The following FAM169A variants were observed in gnomAD, a reference collection of about 807,000 sequenced individuals.
FAM169A encodes family with sequence similarity 169 member A, also known as soluble lamin-associated protein of 75 kDa.
In FAM169A, 24 loss-of-function variants were observed where a neutral mutation model predicts 75.7. The ratio of observed to expected loss-of-function variants is 0.32; its 90% CI spans 0.23 to 0.45. The LOEUF is 0.45. FAM169A is among the 20% of genes least tolerant of loss of function. FAM169A has a pLI of 1.00. For missense variants in FAM169A, 673 were observed against 784.0 expected, an observed-to-expected ratio of 0.86 and a Z score of 1.69; for synonymous variants, 271 against 271.0, an observed-to-expected ratio of 1.00 and a Z score of 0.00.
In FAM169A at chr5:74,856,681, T is replaced by C. The variant is rs542575924; in HGVS notation, c.-4+9484A>G. ...GAGATTTAGATGATACTAGATTAAA[T>C]ATGAACCATAACCAAGGTTTTTTTT... On this transcript the variant is annotated intron_variant, in intron 1 of 12. Coordinates refer to ENST00000687041, the MANE Select transcript of FAM169A (RefSeq NM_001376049.1). Among the ~76,000 whole-genome samples the C allele has an allele frequency of 4.6e-5, 7 of 152,008 alleles. No individual in the cohort carries two copies. The South Asian group carries it at 1.5e-3, about 32-fold the overall frequency.
intron 5 of FAM169A, among the ~76,000 whole-genome samples, chr5:74,822,295 G>A: frequency 6.6e-6 from 1 of 152,158 alleles, no homozygotes; most frequent in East Asian, 1.9e-4. Flanking sequence ...AAAGTCACAG[G>A]CATCATCTTT....
intron 2 of FAM169A, 139 bp downstream of exon 2, chr5:74,841,406 C>G (rs962387097): frequency 1.2e-5 from 7 of 588,098 alleles, no homozygotes; most frequent in Non-Finnish European, 1.6e-5. Flanking sequence ...CAATATTTAT[C>G]CATTTTACTG....
At chr5:74,824,850 T>C (rs1226598272) in intron 5 of FAM169A, among the ~76,000 whole-genome samples, 1 of 152,054 alleles carries the variant, frequency 6.6e-6, no homozygotes, top group Non-Finnish European at 1.5e-5. Flanking sequence ...TGATTTCTAT[T>C]TCTTCATTTT....
At chr5:74,840,600 C>A (rs377457168) in intron 2 of FAM169A, among the ~76,000 whole-genome samples, 2 of 150,620 alleles carry the variant, frequency 1.3e-5, no homozygotes, top group Non-Finnish European at 2.9e-5. Context: ...GAGGCCAAGG[C>A]GGGCGGATCA....
intron 1 of FAM169A, among the ~76,000 whole-genome samples, chr5:74,846,780 C>A (rs895676538): frequency 4.6e-5 from 7 of 152,120 alleles, no homozygotes; most frequent in African/African-American, 1.7e-4. Context: ...CCAGGCTGGT[C>A]TCAAACTCCT....
At chr5:74,843,885 G>A (rs1486606412) in intron 1 of FAM169A, among the ~76,000 whole-genome samples, 1 of 152,140 alleles carries the variant, frequency 6.6e-6, no homozygotes, top group Non-Finnish European at 1.5e-5. Context: ...TATATACCCA[G>A]GCTAACCAAT....
chr5:74,824,933 T>C (rs957373354), intron 5 of FAM169A, among the ~76,000 whole-genome samples: 8 of 152,006 alleles, frequency 5.3e-5, no homozygotes, highest in African/African-American at 1.9e-4. Flanking sequence ...CACACCCCAA[T>C]CTCAACTCCA....
At chr5:74,784,715 G>A (rs1232737390) in intron 11 of FAM169A, among the ~76,000 whole-genome samples, 5 of 147,292 alleles carry the variant, frequency 3.4e-5, no homozygotes, top group African/African-American at 7.5e-5. Context: ...TCAGGAGATC[G>A]AGACCATCCT....
chr5:74,822,205 C>T (rs1162834092), intron 5 of FAM169A, among the ~76,000 whole-genome samples: 3 of 152,202 alleles, frequency 2.0e-5, no homozygotes, highest in African/African-American at 7.2e-5. Context: ...TCCTTTTATC[C>T]TGTGGCTTCC....
At chr5:74,861,651 G>A (rs1750042155) in intron 1 of FAM169A, among the ~76,000 whole-genome samples, 1 of 152,020 alleles carries the variant, frequency 6.6e-6, no homozygotes, top group Non-Finnish European at 1.5e-5. Context: ...GAAGGCAGAA[G>A]CTGCAGTGAG....
At position 74,783,030 on chromosome 5, in the gene FAM169A, T is replaced by C. The variant is rs764310860; in HGVS notation, c.1365A>G (p.Glu455=). ...EDSTSEVLDE[E]LKLQPFNSSE... ...TGGAATTAAAAGGCTGCAATTTTAA[T>C]TCTTCATCTAAAACTTCACTAGTGG... The change falls in exon 12 of 13, where the codon GAA becomes GAG. Residue 455 remains glutamate (E), a synonymous_variant. Coordinates refer to ENST00000687041, the MANE Select transcript of FAM169A (RefSeq NM_001376049.1). 13 of 1,613,800 alleles carry C rather than the reference T, an allele frequency of 8.1e-6. No individual in the cohort carries two copies. Among genetic ancestry groups the C allele is most frequent in the Admixed American group, 3.3e-5 (2 of 60,008 alleles).
In FAM169A at chr5:74,839,015, T is replaced by C. The variant is rs368160676; in HGVS notation, c.268A>G (p.Ile90Val). 90 of 1,613,786 alleles carry C rather than the reference T, an allele frequency of 5.6e-5. No homozygotes were observed. Among genetic ancestry groups the C allele is most frequent in the Non-Finnish European group, 7.3e-5 (86 of 1,179,856 alleles). ...ACAGATGTTTTCACAATATCATCAA[T>C]AGCCCACCACTGATCAGCAAGGTAA... Reference protein sequence around the residue: ...ALYLADQWWAIDDIVKTSVPS... With the variant: ...ALYLADQWWAVDDIVKTSVPS... The change falls in exon 4 of 13, where the codon ATT becomes GTT. Residue 90 changes from isoleucine to valine, a missense_variant. Transcript: ENST00000687041.
At chr5:74,833,138 T>C (rs1459053506) in intron 5 of FAM169A, among the ~76,000 whole-genome samples, 2 of 152,262 alleles carry the variant, frequency 1.3e-5, no homozygotes, top group Non-Finnish European at 2.9e-5. Context: ...ATAAACTAGT[T>C]ATGCTCCAAA....
intron 6 of FAM169A, among the ~76,000 whole-genome samples, chr5:74,811,181 ACCATGTTGG>A (rs1022647211): frequency 2.0e-5 from 3 of 151,908 alleles, no homozygotes; most frequent in African/African-American, 7.3e-5. Context: ...ATGGAATTTC[ACCATGTTGG>A]CCAGGCTAGT....
chr5:74,856,215 T>G (rs928632213), intron 1 of FAM169A, among the ~76,000 whole-genome samples: 2 of 152,234 alleles, frequency 1.3e-5, no homozygotes, highest in African/African-American at 2.4e-5. Context: ...TCAGATAATG[T>G]GATTTCTCCA....
chr5:74,798,205 T>C (rs1164643000), intron 10 of FAM169A, among the ~76,000 whole-genome samples: 2 of 152,240 alleles, frequency 1.3e-5, no homozygotes, highest in African/African-American at 2.4e-5. Context: ...TACGGTGCTC[T>C]TAACTGTGTA....
intron 5 of FAM169A, among the ~76,000 whole-genome samples, chr5:74,833,034 C>T (rs1452389936): frequency 6.6e-6 from 1 of 152,040 alleles, no homozygotes; most frequent in East Asian, 1.9e-4. Context: ...ATAAGAAGAG[C>T]ACACTCCTGC....
intron 1 of FAM169A, among the ~76,000 whole-genome samples, chr5:74,859,145 C>A (rs1002490801): frequency 2.0e-5 from 3 of 151,188 alleles, no homozygotes; most frequent in Non-Finnish European, 4.4e-5. Flanking sequence ...ACCCGGGAGG[C>A]GGAGGGTGCA....
intron 5 of FAM169A, among the ~76,000 whole-genome samples, chr5:74,823,254 A>C (rs1747853589): frequency 6.6e-6 from 1 of 152,166 alleles, no homozygotes; most frequent in Non-Finnish European, 1.5e-5. Flanking sequence ...CTTATTCAGG[A>C]TGTAGTTCCA....
Sources: gnomAD v4.1 joint callset for allele counts (sites outside exome capture counted in the v4.1 genomes callset) on GRCh38, gnomAD v4.1.1 for gene constraint, MANE v1.5 for transcripts, NCBI Gene and HGNC (gene_info 2026-07-23, HGNC 2026-07-21) for gene names.